Variants in BTD observed in about 807,000 individuals in gnomAD.
BTD encodes the protein biotinidase.
BTD carries 13 observed loss-of-function variants against 17.7 expected under a neutral mutation model. The ratio of observed to expected loss-of-function variants is 0.74; its 90% CI spans 0.48 to 1.17. BTD has a LOEUF of 1.17. Ranked by LOEUF, BTD falls within the 50% of genes most tolerant of loss-of-function variation. The pLI is 0.00. For synonymous variants in BTD, 240 were observed against 245.2 expected, an observed-to-expected ratio of 0.98 and a Z score of 0.20; for missense variants, 674 against 650.4, an observed-to-expected ratio of 1.04 and a Z score of -0.39.
intron 3 of BTD, among the ~76,000 whole-genome samples, chr3:15,699,542 G>T (rs969412847): frequency 1.3e-5 from 2 of 151,216 alleles, no homozygotes; most frequent in African/African-American, 4.9e-5. Flanking sequence ...AAATTCACAA[G>T]AAAAAAACAA....
chr3:15,614,363 A>G (rs535822113), intron 1 of BTD, among the ~76,000 whole-genome samples: 1 of 152,046 alleles, frequency 6.6e-6, no homozygotes, highest in East Asian at 1.9e-4. Flanking sequence ...TGATCCTCTC[A>G]TCTTGACCTC....
At position 15,651,601 on chromosome 3, in the gene BTD, C is replaced by T. The variant is rs563760104; in HGVS notation, c.*6113C>T. Among the ~76,000 whole-genome samples, 5 of 152,172 alleles carry T rather than the reference C, an allele frequency of 3.3e-5. No individual in the cohort carries two copies. The highest frequency in any genetic ancestry group is 5.9e-5 in the Non-Finnish European group (4 of 68,038). Reference sequence around the variant, plus strand: ...GCGGTGTGACAGGCAGAGAGCCAGGCGATCCATATCCTGTCTCCTCTCTCT... The same window carrying T: ...GCGGTGTGACAGGCAGAGAGCCAGGTGATCCATATCCTGTCTCCTCTCTCT... On this transcript the variant is annotated 3_prime_UTR_variant, in exon 4 of 4. Coordinates refer to ENST00000643237, the MANE Select transcript of BTD (RefSeq NM_001370658.1).
upstream of BTD, chr3:15,601,371 G>A (rs2064231405): frequency 3.7e-6 from 6 of 1,614,034 alleles, no homozygotes; most frequent in East Asian, 8.9e-5. Context: ...ATTCCAGGAA[G>A]GTCCATCGTA....
rs959352726 is a variant in BTD at position 15,649,492 on chromosome 3, G to A, written c.*4004G>A. 2.0e-5 allele frequency among the ~76,000 whole-genome samples: 3 copies of A among 152,168 alleles called. No homozygotes were observed. The highest frequency in any genetic ancestry group is 4.4e-5 in the Non-Finnish European group (3 of 68,026). Reference sequence around the variant, plus strand: ...GCTCAATCCAAATCACAGCTCTCCCGTTTCTCACCTCCCAACAGTTGCTGT... The same window carrying A: ...GCTCAATCCAAATCACAGCTCTCCCATTTCTCACCTCCCAACAGTTGCTGT... On this transcript the variant is annotated 3_prime_UTR_variant, in exon 4 of 4. Transcript: ENST00000643237.
intron 1 of BTD, among the ~76,000 whole-genome samples, chr3:15,603,585 A>G (rs2064349020): frequency 6.6e-6 from 1 of 152,196 alleles, no homozygotes; most frequent in Non-Finnish European, 1.5e-5. Context: ...TGAACCCGGG[A>G]GGCAGAGCTT....
chr3:15,676,783 C>A, intron 3 of BTD: 2 of 435,796 alleles, frequency 4.6e-6, no homozygotes, highest in South Asian at 4.1e-5. Flanking sequence ...AATTTCAGTT[C>A]AAAAGCATTT....
intron 1 of BTD, among the ~76,000 whole-genome samples, chr3:15,631,860 T>C (rs1284208926): frequency 1.3e-5 from 2 of 152,216 alleles, no homozygotes; most frequent in African/African-American, 2.4e-5. Context: ...TCAGGCTTTC[T>C]CTGGATCTCA....
chr3:15,686,104 T>G (rs561125204), intron 3 of BTD: 3 of 1,613,146 alleles, frequency 1.9e-6, no homozygotes, highest in East Asian at 2.2e-5. Context: ...TGAGAACAGA[T>G]AGCATCAGAG....
chr3:15,605,352 A>G (rs547856650), intron 1 of BTD, among the ~76,000 whole-genome samples: 1 of 152,308 alleles, frequency 6.6e-6, no homozygotes, highest in African/African-American at 2.4e-5. Context: ...TGCTATCACA[A>G]GAACAGCATG....
intron 3 of BTD, among the ~76,000 whole-genome samples, chr3:15,692,155 A>T (rs1053851641): frequency 7.3e-5 from 11 of 151,340 alleles, no homozygotes; most frequent in African/African-American, 2.4e-4. Context: ...AAAAAAAAAA[A>T]AAAAAAAAAA....
intron 3 of BTD, among the ~76,000 whole-genome samples, chr3:15,659,303 T>G (rs929299815): frequency 2.0e-5 from 3 of 149,862 alleles, no homozygotes; most frequent in African/African-American, 2.5e-5. Flanking sequence ...TGACTGAGTG[T>G]GGGGGGGATA....
chr3:15,710,036 G>GTTTTTT (rs34686530), intron 3 of BTD, among the ~76,000 whole-genome samples: 1 of 146,336 alleles, frequency 6.8e-6, no homozygotes, highest in Non-Finnish European at 1.5e-5. Flanking sequence ...TTGCTTATAG[G>GTTTTTT]TTTTTTTTTT....
chr3:15,696,476 G>T (rs1227276898), intron 3 of BTD, among the ~76,000 whole-genome samples: 1 of 151,938 alleles, frequency 6.6e-6, no homozygotes, highest in Non-Finnish European at 1.5e-5. Context: ...TACCTCAAAA[G>T]TCTGTCAGAC....
Position 15,646,547 on chromosome 3 carries a change from A to G in BTD, c.*1059A>G, listed in dbSNP as rs558313573. ...TGTTAGGAATTCCAGATGCAAAATT[A>G]TCAGACTCAATATGGTGAAGACATT... is the stretch of plus-strand genomic sequence containing the variant. On this transcript the variant is annotated 3_prime_UTR_variant, in exon 4 of 4. Transcript: ENST00000643237. 6 of 152,256 alleles carry G rather than the reference A, an allele frequency of 3.9e-5. No individual in the cohort carries two copies. Among genetic ancestry groups the G allele is most frequent in the South Asian group, 2.1e-4 (1 of 4,832 alleles). 9.4% of individuals were successfully genotyped at this position (152,256 alleles called of 1,614,324 possible).
At chr3:15,664,728 A>T (rs922753473) in intron 3 of BTD, among the ~76,000 whole-genome samples, 4 of 50,036 alleles carry the variant, frequency 8.0e-5, no homozygotes, top group East Asian at 3.9e-4. Flanking sequence ...GAAGGGATTT[A>T]AAAAAAAGAT....
At chr3:15,628,127 C>G (rs2065112433) in intron 1 of BTD, among the ~76,000 whole-genome samples, 1 of 152,244 alleles carries the variant, frequency 6.6e-6, no homozygotes, top group Admixed American at 6.5e-5. Context: ...GCATTTTTCA[C>G]TCCTGAGTAC....
rs536526957 is a variant in BTD, at chr3:15,671,020, G to A, written c.399+28963G>A. Among the ~76,000 whole-genome samples, 30 of 152,332 alleles carry A rather than the reference G, an allele frequency of 2.0e-4. No homozygotes were observed. The South Asian group carries it at 5.4e-3, about 27-fold the overall frequency. ...TTTGATGCTAAGAAATCTTAAATGT[G>A]TACAGCTTCATGAATCAGCCACAGG... On this transcript the variant is annotated intron_variant, in intron 3 of 3. Transcript: ENST00000672141.
intron 3 of BTD, among the ~76,000 whole-genome samples, chr3:15,703,536 T>C (rs2125983291): frequency 6.6e-6 from 1 of 152,328 alleles, no homozygotes; most frequent in East Asian, 1.9e-4. Context: ...GGCAAGAATA[T>C]GCCCTCAAAG....
At chr3:15,626,949 T>A (rs2065082743) in intron 1 of BTD, among the ~76,000 whole-genome samples, 1 of 152,146 alleles carries the variant, frequency 6.6e-6, no homozygotes, top group Admixed American at 6.5e-5. Context: ...AAAAAAGGCA[T>A]GCAAATAGTT....
Sources: allele counts gnomAD v4.1 joint callset (sites outside exome capture counted in the v4.1 genomes callset), GRCh38; gene constraint gnomAD v4.1.1; transcripts MANE v1.5; gene names NCBI Gene and HGNC (gene_info 2026-07-23, HGNC 2026-07-21).